Variants in USP6 observed in about 807,000 individuals in gnomAD.
USP6 encodes the protein ubiquitin carboxyl-terminal hydrolase 6.
USP6 carries 128 observed loss-of-function variants against 175.7 expected under a neutral mutation model. The observed-to-expected ratio is 0.73, with a 90% CI of 0.63 to 0.84. USP6 has a LOEUF of 0.84. Among genes scored for constraint, USP6 ranks in the 40% least tolerant of loss-of-function variants. The pLI is 0.00. For synonymous variants in USP6, 562 were observed against 630.6 expected, an observed-to-expected ratio of 0.89 and a Z score of 1.63; for missense variants, 1,498 against 1,760.3, an observed-to-expected ratio of 0.85 and a Z score of 2.67.
intron 31 of USP6, 109 bp from the exon 32 acceptor site, chr17:5,161,419 C>G: frequency 9.1e-7 from 1 of 1,099,422 alleles, no homozygotes; most frequent in East Asian, 2.5e-5. Flanking sequence ...CATGAGCATA[C>G]TGCTGTGGCA....
intron 29 of USP6, among the ~76,000 whole-genome samples, chr17:5,148,287 C>A (rs2144020480): frequency 6.6e-6 from 1 of 152,310 alleles, no homozygotes; most frequent in Non-Finnish European, 1.5e-5. Context: ...TTGTGTGCTA[C>A]AACATGGTGC....
chr17:5,172,846 T>C lies in USP6; in HGVS notation c.4089T>C (p.Ile1363=). 6.2e-7 allele frequency: 1 copy of C among 1,613,906 alleles called. No homozygotes were observed. ...AAATTGACACCGACTCTGCCTACAT[T>C]CTTTTCTATGAGCAGCAGGGGATAG... ...PDEIDTDSAY[I]LFYEQQGIDY... is the part of the protein sequence containing the mutation. Residue 1363 remains isoleucine, a synonymous_variant, in exon 38 of 38, where the codon ATT becomes ATC. Transcript: ENST00000574788.
rs923886018 is a variant in USP6 at position 5,116,509 on chromosome 17, T to G, written c.-2159T>G. 1 of 152,314 alleles carries G rather than the reference T, an allele frequency of 6.6e-6. No individual in the cohort carries two copies. Among genetic ancestry groups the G allele is most frequent in the Non-Finnish European group, 1.5e-5 (1 of 68,122 alleles). 9.4% of individuals were successfully genotyped at this position (152,314 alleles called of 1,614,324 possible). The stretch of plus-strand genomic sequence containing the variant: ...GAGCCGACGAAAGGGAAAAGGCCAG[T>G]GCCTGTCCGGGAAGAGCTCAGCCTA... On this transcript the variant is annotated 5_prime_UTR_variant, in exon 1 of 38. Transcript: ENST00000574788.
chr17:5,142,096 T>TGACA lies in USP6; in HGVS notation c.1668_1671dup (p.Gln558AspfsTer12), dbSNP rs1406870965. On this transcript the variant is annotated frameshift_variant, in exon 24 of 38. Coordinates refer to ENST00000574788, the MANE Select transcript of USP6 (RefSeq NM_001304284.2). LOFTEE classifies it high-confidence loss of function. ...CAGTGCGTTAGTAACACACAGCCAC[T>TGACA]GACACAGTATTTTATCTCAGGGAGA... 6.2e-7 allele frequency: 1 copy of TGACA among 1,613,606 alleles called. No homozygotes were observed. Among genetic ancestry groups the TGACA allele is most frequent in the African/African-American group, 1.3e-5 (1 of 74,902 alleles).
chr17:5,167,904 C>A, intron 33 of USP6, 28 bp from the exon 34 acceptor site: 9 of 1,596,616 alleles, frequency 5.6e-6, no homozygotes, highest in Non-Finnish European at 6.8e-6. Context: ...CCCACACACC[C>A]CTTTCCTCCT....
intron 9 of USP6, 133 bp downstream of exon 9, chr17:5,130,222 T>TG: frequency 2.8e-6 from 2 of 726,908 alleles, no homozygotes; most frequent in Non-Finnish European, 4.7e-6. Flanking sequence ...GTGTGGGCCA[T>TG]GGGGTTTGGC....
rs1394279152 is a variant in USP6 at position 5,134,300 on chromosome 17, A to G, written c.494+304A>G. The G allele has an allele frequency of 8.2e-6, 3 of 366,274 alleles. No homozygotes were observed. In the East Asian group the frequency reaches 1.6e-4, roughly 20 times the overall value. 22.7% of individuals were successfully genotyped at this position (366,274 alleles called of 1,614,324 possible). ...CACGGAGACCCATGGTAGGACCCAC[A>G]GGAGGGTGGCAGGATGGAGGGCCCA... On this transcript the variant is annotated intron_variant, in intron 15 of 37. Coordinates refer to ENST00000574788, the MANE Select transcript of USP6 (RefSeq NM_001304284.2).
chr17:5,118,153 C>G (rs1310934533), intron 1 of USP6, 47 bp from the exon 2 acceptor site: 4 of 152,088 alleles, frequency 2.6e-5, no homozygotes, highest in South Asian at 4.2e-4. Flanking sequence ...GTCATGTGCT[C>G]TCTCCCTCAG....
chr17:5,148,275 G>A (rs1478062975), intron 29 of USP6, among the ~76,000 whole-genome samples: 4 of 152,326 alleles, frequency 2.6e-5, no homozygotes, highest in African/African-American at 9.6e-5. Flanking sequence ...TGGTAGAACT[G>A]TTTGTGTGCT....
chr17:5,162,805 G>C, intron 32 of USP6, 79 bp from the exon 33 acceptor site: 2 of 1,548,560 alleles, frequency 1.3e-6, no homozygotes, highest in South Asian at 2.6e-5. Flanking sequence ...AAAGTAGGAA[G>C]GGAGAATATT....
Position 5,142,393 on chromosome 17 carries a change from C to A in USP6, c.1713-4C>A. The stretch of plus-strand genomic sequence containing the variant: ...GGCAACAAATTTTCCTCTCAAACTT[C>A]TAGGACAAATCCCATTGGTATGAAG... On this transcript the variant is annotated splice_region_variant and splice_polypyrimidine_tract_variant and intron_variant, in intron 24 of 37. Transcript: ENST00000574788. 1.2e-6 allele frequency: 2 copies of A among 1,611,000 alleles called. No individual in the cohort carries two copies. Among genetic ancestry groups the A allele is most frequent in the Non-Finnish European group, 1.7e-6 (2 of 1,178,496 alleles).
intron 6 of USP6, among the ~76,000 whole-genome samples, chr17:5,127,212 G>C (rs2072921887): frequency 6.6e-6 from 1 of 151,624 alleles, no homozygotes; most frequent in African/African-American, 2.4e-5. Flanking sequence ...CAAGAACTAA[G>C]GGCAACCACT....
intron 4 of USP6, among the ~76,000 whole-genome samples, chr17:5,123,443 A>G (rs1323023180): frequency 6.6e-6 from 1 of 151,904 alleles, no homozygotes; most frequent in Non-Finnish European, 1.5e-5. Context: ...AGTGAGTGCC[A>G]GGGGCGGGCA....
intron 25 of USP6, among the ~76,000 whole-genome samples, chr17:5,143,563 C>G (rs1382414922): frequency 6.6e-6 from 1 of 151,512 alleles, no homozygotes; most frequent in Non-Finnish European, 1.5e-5. Context: ...GCAGCATGCT[C>G]GTTAAGAGTC....
At chr17:5,144,630 A>G in intron 25 of USP6, 60 bp from the exon 26 acceptor site, 1 of 1,577,632 alleles carries the variant, frequency 6.3e-7, no homozygotes, top group Non-Finnish European at 8.7e-7. Flanking sequence ...ATTATAGGAC[A>G]TGTTCATTCC....
intron 4 of USP6, among the ~76,000 whole-genome samples, chr17:5,122,489 T>C (rs1382466669): frequency 2.0e-5 from 3 of 152,208 alleles, no homozygotes; most frequent in Non-Finnish European, 4.4e-5. Flanking sequence ...CATCAAGGTT[T>C]TTCCAAAGGA....
At chr17:5,166,498 A>G (rs1235781385) in intron 33 of USP6, among the ~76,000 whole-genome samples, 5 of 152,078 alleles carry the variant, frequency 3.3e-5, no homozygotes, top group Non-Finnish European at 5.9e-5. Context: ...TCAGGAAGGG[A>G]AATTCATGGA....
At chr17:5,121,301 T>C (rs2143715788) in intron 3 of USP6, 74 bp from the exon 4 acceptor site, 1 of 354,714 alleles carries the variant, frequency 2.8e-6, no homozygotes, top group South Asian at 2.2e-5. Flanking sequence ...GGCTAGGATA[T>C]GGTTCTCAGC....
rs1382626872 is a variant in USP6 at position 5,170,712 on chromosome 17, G to T, written c.3751G>T (p.Gly1251Cys). Residue 1251 changes from glycine to cysteine, a missense_variant, in exon 36 of 38, where the codon GGC becomes TGC. Gly to Cys is a radical substitution (Grantham distance 159, BLOSUM62 -3). Coordinates refer to ENST00000574788, the MANE Select transcript of USP6 (RefSeq NM_001304284.2). ...DALSRGHMRG[G>C]SQPELVTPQD... is the part of the protein sequence containing the mutation. The stretch of plus-strand genomic sequence containing the variant: ...CTTGAGCCGAGGGCATATGCGGGGG[G>T]GCAGCCAACCAGAGCTGGTCACTCC... 2 of 1,613,972 alleles carry T rather than the reference G, an allele frequency of 1.2e-6. No individual in the cohort carries two copies. Among genetic ancestry groups the T allele is most frequent in the East Asian group, 2.2e-5 (1 of 44,884 alleles).
Sources: gnomAD v4.1 joint callset for allele counts (sites outside exome capture counted in the v4.1 genomes callset) on GRCh38, gnomAD v4.1.1 for gene constraint, MANE v1.5 for transcripts, NCBI Gene and HGNC (gene_info 2026-07-23, HGNC 2026-07-21) for gene names.